Variants in SCN11A observed in about 807,000 individuals in gnomAD.
SCN11A encodes sodium channel protein type 11 subunit alpha.
SCN11A carries 122 observed loss-of-function variants against 162.2 expected under a neutral mutation model. The observed-to-expected ratio is 0.75, with a 90% CI of 0.65 to 0.87. SCN11A has a LOEUF of 0.87. Ranked by LOEUF, SCN11A falls within the 40% of genes least tolerant of loss-of-function variation. The pLI, the probability that SCN11A is intolerant of heterozygous loss-of-function variation, is 0.00. For synonymous variants in SCN11A, 758 were observed against 751.5 expected, an observed-to-expected ratio of 1.01 and a Z score of -0.14; for missense variants, 2,015 against 2,181.6, an observed-to-expected ratio of 0.92 and a Z score of 1.52.
chr3:38,999,863 G>T (rs559864698), intron 2 of SCN11A, among the ~76,000 whole-genome samples: 13 of 152,070 alleles, frequency 8.5e-5, no homozygotes, highest in Non-Finnish European at 1.6e-4. Flanking sequence ...CTGAAAATGA[G>T]GTTCCCCTGC....
At chr3:39,008,953 G>A (rs986134768) in intron 2 of SCN11A, among the ~76,000 whole-genome samples, 1 of 151,772 alleles carries the variant, frequency 6.6e-6, no homozygotes, top group Non-Finnish European at 1.5e-5. Flanking sequence ...GTGGCCCTAG[G>A]GGTCCCTGAA....
chr3:38,948,359 G>A (rs905747773), intron 5 of SCN11A, among the ~76,000 whole-genome samples: 1 of 152,138 alleles, frequency 6.6e-6, no homozygotes, highest in African/African-American at 2.4e-5. Context: ...AACTAATGGT[G>A]TATTTAACTC....
intron 9 of SCN11A, among the ~76,000 whole-genome samples, chr3:38,925,069 TG>T (rs1383803230): frequency 6.6e-6 from 1 of 152,118 alleles, no homozygotes; most frequent in Non-Finnish European, 1.5e-5. Flanking sequence ...ATAGCCCTCA[TG>T]GTGTCTACTT....
intron 8 of SCN11A, among the ~76,000 whole-genome samples, chr3:38,926,379 A>G (rs544030975): frequency 6.6e-6 from 1 of 152,310 alleles, no homozygotes; most frequent in African/African-American, 2.4e-5. Context: ...CTGACAGCTT[A>G]ATACATGTAT....
intron 2 of SCN11A, among the ~76,000 whole-genome samples, chr3:38,989,317 C>A (rs926216097): frequency 8.5e-5 from 13 of 152,136 alleles, no homozygotes; most frequent in Non-Finnish European, 1.6e-4. Flanking sequence ...TTAACTGAGG[C>A]CCCAGACATC....
At chr3:38,918,787 A>G (rs2066000805) in intron 11 of SCN11A, among the ~76,000 whole-genome samples, 1 of 152,226 alleles carries the variant, frequency 6.6e-6, no homozygotes, top group Admixed American at 6.5e-5. Flanking sequence ...AATTCTCCAG[A>G]CAAGGTCACA....
intron 1 of SCN11A, among the ~76,000 whole-genome samples, chr3:39,038,944 G>A (rs1241558450): frequency 1.3e-5 from 2 of 152,098 alleles, no homozygotes; most frequent in African/African-American, 4.8e-5. Flanking sequence ...GCGATTCCAT[G>A]TTCCTTTTAC....
Position 39,047,124 on chromosome 3 carries a change from C to G in SCN11A, c.-404+4737G>C, listed in dbSNP as rs189926420. Among the ~76,000 whole-genome samples the G allele has an allele frequency of 2.8e-5, 4 of 143,716 alleles. No individual in the cohort carries two copies. In the East Asian group the frequency reaches 6.2e-4, roughly 22 times the overall value. 94.3% of individuals were successfully genotyped at this position (143,716 alleles called of 152,430 possible). On this transcript the variant is annotated intron_variant, in intron 1 of 29. Coordinates refer to ENST00000302328, the MANE Select transcript of SCN11A (RefSeq NM_001349253.2). ...TGTTTCCCAGGCTGGAGTGCAGTGA[C>G]TATTCACAATTGTAGTATACTGCAG...
At position 38,904,101 on chromosome 3, in the gene SCN11A, G is replaced by A. The variant is rs1227683649; in HGVS notation, c.1606C>T (p.Gln536Ter). 2 of 1,553,428 alleles carry A rather than the reference G, an allele frequency of 1.3e-6. No homozygotes were observed. The highest frequency in any genetic ancestry group is 1.7e-6 in the Non-Finnish European group (2 of 1,151,864). The change falls in exon 16 of 30, where the codon CAA becomes TAA. Residue 536 changes from glutamine to a stop codon, truncating the protein, a stop_gained and splice_region_variant. Coordinates refer to ENST00000302328, the MANE Select transcript of SCN11A (RefSeq NM_001349253.2). LOFTEE classifies it high-confidence loss of function. ...VSILTITMKE[Q>*]EKSQEPCLPC... ...AGACAAGGCTCTTGTGATTTTTCTTGTTCTGGAGGAGAATGAGCGAGAGGT... is the reference window on the plus strand; with the variant it reads ...AGACAAGGCTCTTGTGATTTTTCTTATTCTGGAGGAGAATGAGCGAGAGGT...
rs4564902 is a variant in SCN11A at position 38,879,633 on chromosome 3, C to T, written c.3393+317G>A. Reference sequence around the variant, plus strand: ...ATAGAAAGTTGGAAGAAGAAAAAATCGAGGATACTGAAAGTTATTCTAGGT... The same window carrying T: ...ATAGAAAGTTGGAAGAAGAAAAAATTGAGGATACTGAAAGTTATTCTAGGT... On this transcript the variant is annotated intron_variant, in intron 23 of 29. Transcript: ENST00000302328. 8.4e-3 allele frequency among the ~76,000 whole-genome samples: 1,285 copies of T among 152,186 alleles called. 23 individuals carry two copies. Among genetic ancestry groups the T allele is most frequent in the African/African-American group, 0.029 (1,224 of 41,542 alleles).
chr3:39,003,531 C>T (rs183233751), intron 2 of SCN11A, among the ~76,000 whole-genome samples: 1 of 152,260 alleles, frequency 6.6e-6, no homozygotes, highest in Non-Finnish European at 1.5e-5. Context: ...ATTTATATTC[C>T]TCTGGGTCTG....
At chr3:38,890,297 G>A (rs550354889) in intron 19 of SCN11A, among the ~76,000 whole-genome samples, 1 of 152,298 alleles carries the variant, frequency 6.6e-6, no homozygotes, top group Non-Finnish European at 1.5e-5. Context: ...AGAGTGGGAG[G>A]TAATTCATAA....
In SCN11A at chr3:38,883,235, G is replaced by C; in HGVS notation, c.3217C>G (p.Leu1073Val). Residue 1073 changes from leucine (L) to valine (V), a missense_variant and splice_region_variant, in exon 22 of 30, where the codon CTG becomes GTG. Coordinates refer to ENST00000302328, the MANE Select transcript of SCN11A (RefSeq NM_001349253.2). Reference sequence around the variant, plus strand: ...TCCACAAGACAATGATGATTTACCAGTGCCCCACTGCTCAGCAGAATCACA... The same window carrying C: ...TCCACAAGACAATGATGATTTACCACTGCCCCACTGCTCAGCAGAATCACA... ...IFVILLSSGA[L>V]IFEDVHLENQ... 2 of 1,612,294 alleles carry C rather than the reference G, an allele frequency of 1.2e-6. No individual in the cohort carries two copies. The highest frequency in any genetic ancestry group is 1.7e-6 in the Non-Finnish European group (2 of 1,178,980).
At chr3:38,877,362 AT>A (rs1314113024) in intron 23 of SCN11A, among the ~76,000 whole-genome samples, 1 of 27,310 alleles carries the variant, frequency 3.7e-5, no homozygotes, top group Non-Finnish European at 6.4e-5. Flanking sequence ...TATATATGGT[AT>A]ATATATGGTG....
At chr3:39,012,482 C>CTTTTTTTTTTTTTTTTTT (rs1224778572) in intron 2 of SCN11A, among the ~76,000 whole-genome samples, 1 of 123,392 alleles carries the variant, frequency 8.1e-6, no homozygotes. Context: ...CTCTTTCTCT[C>CTTTTTTTTTTTTTTTTTT]TTTCTTTTTT....
At chr3:39,033,055 A>C (rs2031803828) in intron 1 of SCN11A, among the ~76,000 whole-genome samples, 1 of 152,070 alleles carries the variant, frequency 6.6e-6, no homozygotes, top group South Asian at 2.1e-4. Context: ...GGGGAGGCTG[A>C]GGCAGGAGAA....
rs533830451 is a variant in SCN11A at position 38,872,248 on chromosome 3, C to T, written c.3440G>A (p.Arg1147Gln). 2.2e-5 allele frequency: 36 copies of T among 1,610,988 alleles called. No individual in the cohort carries two copies. The highest frequency in any genetic ancestry group is 1.0e-4 in the Admixed American group (6 of 59,938). Residue 1147 changes from arginine to glutamine, a missense_variant, in exon 24 of 30, where the codon CGG becomes CAG. Physicochemically the swap from Arg to Gln is conservative, Grantham distance 43. Coordinates refer to ENST00000302328, the MANE Select transcript of SCN11A (RefSeq NM_001349253.2). Reference sequence around the variant, plus strand: ...AAGAGGCCTCAGTGCTCGTAGAGTCCGGAAGGACTTCAATTCCATTAAGTT... The same window carrying T: ...AAGAGGCCTCAGTGCTCGTAGAGTCTGGAAGGACTTCAATTCCATTAAGTT... ...LINLMELKSF[R>Q]TLRALRPLRA...
At chr3:38,996,200 G>A (rs1183699237) in intron 2 of SCN11A, among the ~76,000 whole-genome samples, 1 of 152,086 alleles carries the variant, frequency 6.6e-6, no homozygotes. Flanking sequence ...TTTTGTCATA[G>A]AAGCCTACTC....
At chr3:38,886,259 T>C (rs2065399136) in intron 19 of SCN11A, 21 bp from the exon 20 acceptor site, 2 of 1,489,210 alleles carry the variant, frequency 1.3e-6, no homozygotes, top group South Asian at 1.1e-5. Context: ...GAGCCCAGAA[T>C]AGAATTAATA....
Sources: gnomAD v4.1 joint callset for allele counts (sites outside exome capture counted in the v4.1 genomes callset) on GRCh38, gnomAD v4.1.1 for gene constraint, MANE v1.5 for transcripts, NCBI Gene and HGNC (gene_info 2026-07-23, HGNC 2026-07-21) for gene names.